VSTM4: variants seen among roughly 807,000 people sequenced by gnomAD.
VSTM4 encodes the protein V-set and transmembrane domain-containing protein 4.
A neutral mutation model predicts 36.4 loss-of-function variants in VSTM4; 20 were observed. The observed-to-expected ratio is 0.55, with a 90% CI of 0.39 to 0.80. The LOEUF (loss-of-function observed/expected upper bound fraction) is 0.80. Ranked by LOEUF, VSTM4 falls within the 30% of genes least tolerant of loss-of-function variation. The probability of loss-of-function intolerance (pLI) is 0.00; values close to 1 mark genes in which losing one functional copy is unlikely to be tolerated. For missense variants in VSTM4, 392 were observed against 404.5 expected, an observed-to-expected ratio of 0.97 and a Z score of 0.26; for synonymous variants, 182 against 173.9, an observed-to-expected ratio of 1.05 and a Z score of -0.37.
At position 49,056,923 on chromosome 10, in the gene VSTM4, T is replaced by A. The variant is rs547447372; in HGVS notation, c.668+7780A>T. On this transcript the variant is annotated intron_variant, in intron 5 of 7. Transcript: ENST00000332853. Reference sequence around the variant, plus strand: ...CAGGAAGCACGGTGCTGGCATCTGCTTCTGGGCCTCTGGTGAGGGCCTCAG... The same window carrying A: ...CAGGAAGCACGGTGCTGGCATCTGCATCTGGGCCTCTGGTGAGGGCCTCAG... Among the ~76,000 whole-genome samples, 12 of 152,310 alleles carry A rather than the reference T, an allele frequency of 7.9e-5. No individual in the cohort carries two copies. The South Asian group carries it at 2.1e-3, about 26-fold the overall frequency.
intron 2 of VSTM4, among the ~76,000 whole-genome samples, chr10:49,101,847 G>A (rs534169991): frequency 3.3e-4 from 50 of 152,166 alleles, no homozygotes; most frequent in Non-Finnish European, 5.9e-4. Flanking sequence ...CTATCACTGC[G>A]GGAATGATTG....
At chr10:49,074,828 G>A (rs116573867) in intron 4 of VSTM4, among the ~76,000 whole-genome samples, 2,994 of 152,274 alleles carry the variant, frequency 0.02, 88 homozygotes, top group South Asian at 0.12. Flanking sequence ...AAACATGAGA[G>A]GCTTGGGAAC....
intron 4 of VSTM4, among the ~76,000 whole-genome samples, chr10:49,072,666 T>C (rs1426862209): frequency 6.6e-6 from 1 of 152,214 alleles, no homozygotes; most frequent in Non-Finnish European, 1.5e-5. Context: ...AGTCTAGGCA[T>C]GTCCTTGGAG....
At chr10:49,101,128 G>T (rs1844658144) in intron 2 of VSTM4, among the ~76,000 whole-genome samples, 1 of 152,016 alleles carries the variant, frequency 6.6e-6, no homozygotes, top group Non-Finnish European at 1.5e-5. Flanking sequence ...TCCTTTCCAA[G>T]ATTCGATACA....
chr10:49,073,346 G>A (rs536560294), intron 4 of VSTM4, among the ~76,000 whole-genome samples: 24 of 152,310 alleles, frequency 1.6e-4, no homozygotes, highest in African/African-American at 4.8e-4. Flanking sequence ...GAAGGTACAG[G>A]GCTTAGATTC....
In VSTM4 at chr10:49,017,440, A is replaced by G. The variant is rs1843119578; in HGVS notation, c.*2210T>C. 1 of 152,234 alleles carries G rather than the reference A, an allele frequency of 6.6e-6. No homozygotes were observed. Among genetic ancestry groups the G allele is most frequent in the Admixed American group, 6.5e-5 (1 of 15,286 alleles). 9.4% of individuals were successfully genotyped at this position (152,234 alleles called of 1,614,324 possible). ...CTTAGTGTGGATTCATGCAGTGATG[A>G]CCACAGTTTGGGAGAAAGAGGCTGG... is the stretch of plus-strand genomic sequence containing the variant. On this transcript the variant is annotated 3_prime_UTR_variant, in exon 8 of 8. Coordinates refer to ENST00000332853, the MANE Select transcript of VSTM4 (RefSeq NM_001031746.5).
chr10:49,094,628 A>T (rs1844536753), intron 2 of VSTM4, among the ~76,000 whole-genome samples: 1 of 152,256 alleles, frequency 6.6e-6, no homozygotes, highest in South Asian at 2.1e-4. Flanking sequence ...TAAAACAAAG[A>T]TGAGCCAACA....
intron 3 of VSTM4, among the ~76,000 whole-genome samples, chr10:49,081,966 T>C (rs1844286884): frequency 6.6e-6 from 1 of 152,220 alleles, no homozygotes; most frequent in Non-Finnish European, 1.5e-5. Flanking sequence ...ATTCCTTTTG[T>C]TGCATAAAGA....
At chr10:49,069,476 G>C (rs1844034441) in intron 4 of VSTM4, among the ~76,000 whole-genome samples, 1 of 152,224 alleles carries the variant, frequency 6.6e-6, no homozygotes, top group Non-Finnish European at 1.5e-5. Flanking sequence ...ATCTCCTGCA[G>C]CCCAGCACAG....
intron 1 of VSTM4, among the ~76,000 whole-genome samples, chr10:49,110,360 T>C (rs997003139): frequency 3.9e-5 from 6 of 152,184 alleles, no homozygotes; most frequent in African/African-American, 1.4e-4. Context: ...CTTCTGTGGC[T>C]CAGGACAGGG....
chr10:49,099,223 T>C (rs1844625065), intron 2 of VSTM4, among the ~76,000 whole-genome samples: 1 of 152,182 alleles, frequency 6.6e-6, no homozygotes, highest in Non-Finnish European at 1.5e-5. Context: ...TGAGATGCAG[T>C]CTCACGTTGC....
At chr10:49,094,820 C>CA (rs1220303281) in intron 2 of VSTM4, among the ~76,000 whole-genome samples, 1 of 152,152 alleles carries the variant, frequency 6.6e-6, no homozygotes, top group African/African-American at 2.4e-5. Context: ...CAGGGAGACA[C>CA]AGAGACCTTC....
intron 7 of VSTM4, among the ~76,000 whole-genome samples, chr10:49,033,285 C>G (rs1038225050): frequency 6.6e-6 from 1 of 152,158 alleles, no homozygotes; most frequent in African/African-American, 2.4e-5. Flanking sequence ...ACAATTCAAC[C>G]TGTGAACACT....
chr10:49,111,826 T>C (rs1361892100), intron 1 of VSTM4, among the ~76,000 whole-genome samples: 2 of 152,142 alleles, frequency 1.3e-5, no homozygotes, highest in Admixed American at 6.5e-5. Flanking sequence ...ATAACTACAG[T>C]GTCACATGCC....
At chr10:49,108,087 G>A (rs575261261) in intron 1 of VSTM4, 92 bp from the exon 2 acceptor site, 22 of 1,438,302 alleles carry the variant, frequency 1.5e-5, no homozygotes, top group East Asian at 5.0e-5. Context: ...ATGCCTCCAC[G>A]CACTGGGCAT....
At chr10:49,090,340 G>T (rs1315372806) in intron 2 of VSTM4, among the ~76,000 whole-genome samples, 4 of 152,182 alleles carry the variant, frequency 2.6e-5, no homozygotes, top group South Asian at 4.1e-4. Context: ...GTACCAATTT[G>T]CTGACTCTTC....
chr10:49,067,829 A>G (rs1844000194), intron 4 of VSTM4, among the ~76,000 whole-genome samples: 1 of 152,204 alleles, frequency 6.6e-6, no homozygotes, highest in African/African-American at 2.4e-5. Flanking sequence ...AACTATAGTC[A>G]TCCCTCATAT....
rs1440810246 is a variant in VSTM4 at position 49,017,775 on chromosome 10, G to A, written c.*1875C>T. ...CCCATAAGGCTCTTTGGGCAAATTA[G>A]GAGATCATCCTCTGCCCTCAAAACA... On this transcript the variant is annotated 3_prime_UTR_variant, in exon 8 of 8. Coordinates refer to ENST00000332853, the MANE Select transcript of VSTM4 (RefSeq NM_001031746.5). 1 of 152,110 alleles carries A rather than the reference G, an allele frequency of 6.6e-6. No individual in the cohort carries two copies. The highest frequency in any genetic ancestry group is 2.4e-5 in the African/African-American group (1 of 41,414). 9.4% of individuals were successfully genotyped at this position (152,110 alleles called of 1,614,324 possible).
chr10:49,056,686 G>A (rs1268791436), intron 5 of VSTM4, among the ~76,000 whole-genome samples: 1 of 152,182 alleles, frequency 6.6e-6, no homozygotes, highest in Non-Finnish European at 1.5e-5. Flanking sequence ...TGATGACCCT[G>A]TGTCCCTCTG....
Sources: allele counts gnomAD v4.1 joint callset (sites outside exome capture counted in the v4.1 genomes callset), GRCh38; gene constraint gnomAD v4.1.1; transcripts MANE v1.5; gene names NCBI Gene and HGNC (gene_info 2026-07-23, HGNC 2026-07-21).